The following PMEPA1 variants were observed in gnomAD, a reference collection of about 807,000 sequenced individuals.
The protein encoded by PMEPA1 is protein TMEPAI.
Under a neutral mutation model 23.0 loss-of-function variants are expected in PMEPA1, and 11 were observed. The observed-to-expected ratio is 0.48, with a 90% confidence interval of 0.30 to 0.79. The LOEUF (loss-of-function observed/expected upper bound fraction) is 0.79. Among genes scored for constraint, PMEPA1 ranks in the 30% least tolerant of loss-of-function variants. The probability of loss-of-function intolerance (pLI) is 0.06; values close to 1 mark genes in which losing one functional copy is unlikely to be tolerated. For missense variants in PMEPA1, 377 were observed against 390.9 expected (o/e 0.96, Z 0.30); for synonymous variants, 204 against 166.4 (o/e 1.23, Z -1.74).
chr20:57,692,181 G>A (rs1374048762), intron 1 of PMEPA1, among the ~76,000 whole-genome samples: 2 of 152,220 alleles, frequency 1.3e-5, no homozygotes, highest in African/African-American at 2.4e-5. Flanking sequence ...TAATTCTTAC[G>A]ATGCCCCCTG....
At chr20:57,702,243 G>A (rs1024214372) in intron 1 of PMEPA1, among the ~76,000 whole-genome samples, 1 of 152,200 alleles carries the variant, frequency 6.6e-6, no homozygotes, top group African/African-American at 2.4e-5. Context: ...CCCCTGCGGA[G>A]GCTGTGTCTA....
At chr20:57,690,247 G>A (rs1279570531) in intron 1 of PMEPA1, 14 of 431,548 alleles carry the variant, frequency 3.2e-5, no homozygotes, top group East Asian at 2.1e-4. Flanking sequence ...ACCTCTTAGC[G>A]AAGAGACGCT....
chr20:57,692,378 G>C (rs927823454), intron 1 of PMEPA1, among the ~76,000 whole-genome samples: 9 of 152,242 alleles, frequency 5.9e-5, no homozygotes, highest in African/African-American at 2.2e-4. Flanking sequence ...AAGAGTCATG[G>C]GGGCAGGTGA....
chr20:57,705,398 AC>A (rs1198105061), intron 1 of PMEPA1, among the ~76,000 whole-genome samples: 3 of 152,070 alleles, frequency 2.0e-5, no homozygotes, highest in African/African-American at 7.2e-5. Flanking sequence ...CAGTCAGAAA[AC>A]CTGTGGGTGA....
At chr20:57,688,598 C>T (rs929531911) in intron 1 of PMEPA1, among the ~76,000 whole-genome samples, 2 of 152,204 alleles carry the variant, frequency 1.3e-5, no homozygotes, top group Non-Finnish European at 2.9e-5. Context: ...CAGTGGTCGA[C>T]CTCACTCTGC....
Position 57,652,021 on chromosome 20 carries a change from T to C in PMEPA1, c.*32A>G, listed in dbSNP as rs199697051. 4.9e-4 allele frequency: 703 copies of C among 1,446,608 alleles called. 1 individual carries two copies. The highest frequency in any genetic ancestry group is 4.0e-3 in the Middle Eastern group (22 of 5,490). 89.6% of individuals were successfully genotyped at this position (1,446,608 alleles called of 1,614,324 possible). ...GCGCGGAGTGTTCTGCCTTTTCACC[T>C]ACGCAGCCCCAGCCCGGCCCCCCTG... On this transcript the variant is annotated 3_prime_UTR_variant, in exon 4 of 4. Transcript: ENST00000341744. This position sits in a 1 kb window ranked among gnomAD's most constrained non-coding sequence, Gnocchi z 6.1.
intron 1 of PMEPA1, among the ~76,000 whole-genome samples, chr20:57,689,412 G>A (rs2071846443): frequency 6.6e-6 from 1 of 152,170 alleles, no homozygotes; most frequent in Non-Finnish European, 1.5e-5. Flanking sequence ...AGAAAGGTCG[G>A]CTGGGGAGTG....
intron 1 of PMEPA1, among the ~76,000 whole-genome samples, chr20:57,660,013 C>T (rs924252774): frequency 1.3e-5 from 2 of 152,200 alleles, no homozygotes; most frequent in Non-Finnish European, 2.9e-5. Flanking sequence ...GAAGGCCCTG[C>T]TCTCTGCTCT....
At chr20:57,670,210 G>A (rs2071549256) in intron 1 of PMEPA1, among the ~76,000 whole-genome samples, 1 of 151,878 alleles carries the variant, frequency 6.6e-6, no homozygotes, top group South Asian at 2.1e-4. Context: ...TGGGGTGGGG[G>A]GGGTAGTACA....
intron 1 of PMEPA1, among the ~76,000 whole-genome samples, chr20:57,700,911 TC>T (rs1183980378): frequency 6.6e-6 from 1 of 151,974 alleles, no homozygotes; most frequent in Non-Finnish European, 1.5e-5. Flanking sequence ...ATGCCTGTAG[TC>T]CCAGCTACTT....
chr20:57,654,456 C>T (rs1426658857), intron 2 of PMEPA1, among the ~76,000 whole-genome samples: 3 of 152,040 alleles, frequency 2.0e-5, no homozygotes, highest in African/African-American at 7.2e-5. Context: ...CATATGGCCA[C>T]TAGGAGGCTC....
chr20:57,679,266 T>A (rs779865900), intron 1 of PMEPA1, among the ~76,000 whole-genome samples: 1 of 152,192 alleles, frequency 6.6e-6, no homozygotes, highest in Non-Finnish European at 1.5e-5. Flanking sequence ...AGGAAACCTT[T>A]GTCTCATTCA....
At chr20:57,705,310 C>A (rs557827508) in intron 1 of PMEPA1, among the ~76,000 whole-genome samples, 1 of 152,350 alleles carries the variant, frequency 6.6e-6, no homozygotes, top group East Asian at 1.9e-4. Flanking sequence ...CTGAGGCCAA[C>A]TGTCTGACCT....
rs969199345 is a variant in PMEPA1 at position 57,649,160 on chromosome 20, C to G, written c.*2893G>C. 2.6e-5 allele frequency: 4 copies of G among 152,266 alleles called. No individual in the cohort carries two copies. In the East Asian group the frequency reaches 7.7e-4, roughly 29 times the overall value. The allele number at this position is 152,266 out of a possible 1,614,324, so 9.4% of individuals were successfully genotyped here. A position where few individuals can be genotyped will look rare whatever the true frequency, so the allele number is the denominator to read the frequency against. On this transcript the variant is annotated 3_prime_UTR_variant, in exon 4 of 4. Transcript: ENST00000341744. ...GGCAGACCCCTGAAACGAAGCTTGT[C>G]CCCTTCCAATCAGCCACTTCTGAGA... is the stretch of plus-strand genomic sequence containing the variant.
At position 57,650,967 on chromosome 20, in the gene PMEPA1, A is replaced by C. The variant is rs572890602; in HGVS notation, c.*1086T>G. 6.6e-6 allele frequency: 1 copy of C among 152,246 alleles called. No homozygotes were observed. Among genetic ancestry groups the C allele is most frequent in the Admixed American group, 6.5e-5 (1 of 15,286 alleles). The allele number at this position is 152,246 out of a possible 1,614,324, so 9.4% of individuals were successfully genotyped here. On this transcript the variant is annotated 3_prime_UTR_variant, in exon 4 of 4. Transcript: ENST00000341744. The stretch of plus-strand genomic sequence containing the variant: ...TCGAGCCCTCTGGCATGTCCCTGGT[A>C]GCCCGGGCACCAGCCGCTGCGGCTT...
In PMEPA1 at chr20:57,652,892, G is replaced by C; in HGVS notation, c.318+141C>G. ...CAGGGGCAGGGAGCAGATGATCTCC[G>C]GCAAGGAGGATCCCAGCAGCAAGGG... is the stretch of plus-strand genomic sequence containing the variant. On this transcript the variant is annotated intron_variant, in intron 3 of 3. Transcript: ENST00000341744. The surrounding 1 kb of genome is among the most constrained non-coding windows in gnomAD (Gnocchi z 6.1). The C allele has an allele frequency of 1.3e-6, 1 of 770,706 alleles. No individual in the cohort carries two copies. The highest frequency in any genetic ancestry group is 1.5e-5 in the South Asian group (1 of 64,944). The allele number at this position is 770,706 out of a possible 1,614,324, so 47.7% of individuals were successfully genotyped here.
chr20:57,672,513 C>A (rs2071582462), intron 1 of PMEPA1, among the ~76,000 whole-genome samples: 1 of 152,264 alleles, frequency 6.6e-6, no homozygotes, highest in East Asian at 1.9e-4. Context: ...CCCGGGGCCT[C>A]ATTGATGCCC....
chr20:57,664,439 G>A (rs1237860554), intron 1 of PMEPA1, among the ~76,000 whole-genome samples: 2 of 152,254 alleles, frequency 1.3e-5, no homozygotes, highest in Admixed American at 1.3e-4. Context: ...GACCCCTTGG[G>A]GGAGAGAAAG....
chr20:57,653,140 C>T, intron 2 of PMEPA1, 54 bp from the exon 3 acceptor site: 4 of 1,432,218 alleles, frequency 2.8e-6, no homozygotes, highest in Non-Finnish European at 3.9e-6. Context: ...GGAGGGACAG[C>T]AAAGGCTCAA....
Sources: allele counts gnomAD v4.1 joint callset (sites outside exome capture counted in the v4.1 genomes callset), GRCh38; gene constraint gnomAD v4.1.1; non-coding constraint Gnocchi (gnomAD v3.1); transcripts MANE v1.5; gene names NCBI Gene and HGNC (gene_info 2026-07-23, HGNC 2026-07-21).